Variants in AHCYL2 observed in about 807,000 individuals in gnomAD.
The protein encoded by AHCYL2 is S-adenosylhomocysteine hydrolase-like protein 2.
AHCYL2 carries 28 observed loss-of-function variants against 81.4 expected under a neutral mutation model. That is an observed-to-expected ratio of 0.34 (90% confidence interval 0.25 to 0.47). The LOEUF is 0.47. Among genes scored for constraint, AHCYL2 ranks in the 20% least tolerant of loss-of-function variants. The probability of loss-of-function intolerance (pLI) is 1.00; values close to 1 mark genes in which losing one functional copy is unlikely to be tolerated. For missense variants in AHCYL2, 551 were observed against 785.1 expected, an observed-to-expected ratio of 0.70 and a Z score of 3.56; for synonymous variants, 272 against 290.2, an observed-to-expected ratio of 0.94 and a Z score of 0.64.
chr7:129,377,712 G>A (rs1363029155), intron 1 of AHCYL2: 13 of 414,450 alleles, frequency 3.1e-5, no homozygotes, highest in Admixed American at 2.1e-4. Context: ...TACAAACAGA[G>A]AAAACAAAAA....
intron 1 of AHCYL2, among the ~76,000 whole-genome samples, chr7:129,276,632 C>T (rs1796215775): frequency 6.6e-6 from 1 of 150,478 alleles, no homozygotes; most frequent in African/African-American, 2.4e-5. Context: ...ACCTGTAATC[C>T]CAGCTACTTG....
chr7:129,381,316 A>T (rs1794944442), intron 2 of AHCYL2, among the ~76,000 whole-genome samples: 2 of 152,210 alleles, frequency 1.3e-5, no homozygotes, highest in African/African-American at 4.8e-5. Flanking sequence ...CAGTCCCCAT[A>T]GGCAGGGAGG....
chr7:129,373,375 G>C (rs773421572), intron 1 of AHCYL2, among the ~76,000 whole-genome samples: 27 of 151,964 alleles, frequency 1.8e-4, no homozygotes, highest in Admixed American at 3.3e-4. Context: ...GTAAGTGATG[G>C]AACTTTTTAA....
chr7:129,246,847 G>C (rs1795079073), intron 1 of AHCYL2, among the ~76,000 whole-genome samples: 1 of 152,088 alleles, frequency 6.6e-6, no homozygotes, highest in Admixed American at 6.5e-5. Context: ...TTTGTGTGTG[G>C]CTTTTCCACT....
rs1794222362 is a variant in AHCYL2, at chr7:129,368,668, A to G, written c.364-10970A>G. The G allele has an allele frequency of 6.4e-6, 8 of 1,244,738 alleles. No individual in the cohort carries two copies. In the Admixed American group the frequency reaches 1.3e-4, roughly 20 times the overall value. The allele number at this position is 1,244,738 out of a possible 1,614,324, so 77.1% of individuals were successfully genotyped here. A position where few individuals can be genotyped will look rare whatever the true frequency, so the allele number is the denominator to read the frequency against. The stretch of plus-strand genomic sequence containing the variant: ...CTCCTACCAAGATCCGTGGTTGGAA[A>G]AACAGTTATTACTCTACGTTCTGAT... On this transcript the variant is annotated intron_variant, in intron 1 of 16. Transcript: ENST00000325006. The surrounding 1 kb of genome is among the most constrained non-coding windows in gnomAD (Gnocchi z 4.4).
At chr7:129,328,697 G>C (rs1050083296) in intron 1 of AHCYL2, among the ~76,000 whole-genome samples, 6 of 151,928 alleles carry the variant, frequency 3.9e-5, no homozygotes, top group Non-Finnish European at 8.8e-5. Flanking sequence ...TGTTGGCCAG[G>C]CTGCTCTTGA....
chr7:129,411,957 A>G (rs1459669506), intron 11 of AHCYL2, among the ~76,000 whole-genome samples: 7 of 152,218 alleles, frequency 4.6e-5, no homozygotes, highest in East Asian at 1.9e-4. Context: ...TAATGCTGCT[A>G]TGAACATTGA....
chr7:129,368,488 C>T lies in AHCYL2; in HGVS notation c.364-11150C>T. 6.2e-7 allele frequency: 1 copy of T among 1,614,006 alleles called. No individual in the cohort carries two copies. Among genetic ancestry groups the T allele is most frequent in the South Asian group, 1.1e-5 (1 of 91,088 alleles). ...GCTTCAGGACATATCTTACCCAAGCCTGCACTATGGAGAAGTGGGACGGTA... is the reference window on the plus strand; with the variant it reads ...GCTTCAGGACATATCTTACCCAAGCTTGCACTATGGAGAAGTGGGACGGTA... On this transcript the variant is annotated intron_variant, in intron 1 of 16. Coordinates refer to ENST00000325006, the MANE Select transcript of AHCYL2 (RefSeq NM_015328.4). This position sits in a 1 kb window ranked among gnomAD's most constrained non-coding sequence, Gnocchi z 4.4.
chr7:129,376,205 T>G (rs1428734809), intron 1 of AHCYL2, among the ~76,000 whole-genome samples: 1 of 152,072 alleles, frequency 6.6e-6, no homozygotes, highest in South Asian at 2.1e-4. Flanking sequence ...GGTACCACAA[T>G]TGGGGTGGGC....
At chr7:129,324,059 C>CGTAGATTTCGTAGATTTT (rs1798132958) in intron 1 of AHCYL2, among the ~76,000 whole-genome samples, 2 of 150,634 alleles carry the variant, frequency 1.3e-5, no homozygotes, top group African/African-American at 4.9e-5. Flanking sequence ...TTGTAGATTT[C>CGTAGATTTCGTAGATTTT]GTAGATTTTG....
chr7:129,322,109 T>TTGTG lies in AHCYL2; in HGVS notation c.364-57511_364-57508dup, dbSNP rs72103588. 3.1e-4 allele frequency among the ~76,000 whole-genome samples: 45 copies of TTGTG among 145,218 alleles called. No individual in the cohort carries two copies. The Middle Eastern group carries it at 0.01, about 34-fold the overall frequency. On this transcript the variant is annotated intron_variant, in intron 1 of 16. Transcript: ENST00000325006. ...CCAAGTAAGCCTTCTGGGCCAGGTT[T>TTGTG]TGTGTGTGTGTGTGTGTGTGTATAG...
intron 1 of AHCYL2, among the ~76,000 whole-genome samples, chr7:129,277,995 C>T (rs890130015): frequency 4.6e-5 from 7 of 152,130 alleles, no homozygotes; most frequent in Non-Finnish European, 7.4e-5. Flanking sequence ...TTTAAGAAAC[C>T]GCCAAACTGT....
At chr7:129,299,315 T>C (rs1294781118) in intron 1 of AHCYL2, among the ~76,000 whole-genome samples, 3 of 138,010 alleles carry the variant, frequency 2.2e-5, no homozygotes, top group African/African-American at 7.9e-5. Flanking sequence ...CCGGGCATAG[T>C]GGCTCACCTG....
At chr7:129,286,171 G>A (rs1796623098) in intron 1 of AHCYL2, among the ~76,000 whole-genome samples, 1 of 152,138 alleles carries the variant, frequency 6.6e-6, no homozygotes, top group Non-Finnish European at 1.5e-5. Flanking sequence ...AAATGGTAAT[G>A]TGAGCATTAA....
intron 1 of AHCYL2, among the ~76,000 whole-genome samples, chr7:129,307,098 A>G (rs1249368183): frequency 1.3e-5 from 2 of 152,102 alleles, no homozygotes; most frequent in Admixed American, 6.6e-5. Flanking sequence ...TGTGACCACT[A>G]CCTGGCTGCT....
At chr7:129,266,639 G>A (rs994017559) in intron 1 of AHCYL2, among the ~76,000 whole-genome samples, 1 of 152,160 alleles carries the variant, frequency 6.6e-6, no homozygotes. Context: ...ACGTCTTCTG[G>A]ACAAATCACT....
chr7:129,386,279 A>G (rs1315292744), intron 2 of AHCYL2, among the ~76,000 whole-genome samples: 1 of 152,142 alleles, frequency 6.6e-6, no homozygotes, highest in Non-Finnish European at 1.5e-5. Context: ...CCTGCCCAGC[A>G]TGGCGAAACC....
At chr7:129,265,065 A>G (rs1236545695) in intron 1 of AHCYL2, among the ~76,000 whole-genome samples, 1 of 152,230 alleles carries the variant, frequency 6.6e-6, no homozygotes, top group African/African-American at 2.4e-5. Context: ...GAATGTATGT[A>G]CTGTGTTTTA....
chr7:129,278,847 T>C (rs1796318214), intron 1 of AHCYL2, among the ~76,000 whole-genome samples: 1 of 151,266 alleles, frequency 6.6e-6, no homozygotes, highest in Non-Finnish European at 1.5e-5. Flanking sequence ...TGAATTGCTC[T>C]TGCACCTTTG....
Sources: allele counts gnomAD v4.1 joint callset (sites outside exome capture counted in the v4.1 genomes callset), GRCh38; gene constraint gnomAD v4.1.1; non-coding constraint Gnocchi (gnomAD v3.1); transcripts MANE v1.5; gene names NCBI Gene and HGNC (gene_info 2026-07-23, HGNC 2026-07-21).